The following LIMS4 variants were observed in gnomAD, a reference collection of about 807,000 sequenced individuals.
LIMS4 encodes the protein LIM and senescent cell antigen-like-containing domain protein 4.
chr2:110,376,089 T>A, the LIMS4 span: 1 of 112,500 alleles, frequency 8.9e-6, no homozygotes, highest in East Asian at 2.5e-4. Context: ...AGCTTCTAGG[T>A]TTGTGGCCTC....
chr2:110,367,163 T>C, the LIMS4 span, among the ~76,000 whole-genome samples: 1 of 150,670 alleles, frequency 6.6e-6, no homozygotes, highest in Non-Finnish European at 1.5e-5. Context: ...AAGCAATCTC[T>C]AGATTCAATG....
the LIMS4 span, among the ~76,000 whole-genome samples, chr2:110,390,361 G>A: frequency 7.6e-6 from 1 of 132,202 alleles, no homozygotes; most frequent in Non-Finnish European, 1.6e-5. Flanking sequence ...CCCTGGATGT[G>A]GTGAGGAGGC....
the LIMS4 span, chr2:110,361,632 ACTTGATATGGTC>A: frequency 5.2e-6 from 3 of 581,158 alleles, no homozygotes. Flanking sequence ...CCATGCATAG[ACTTGATATGGTC>A]CACCATAAGT....
the LIMS4 span, among the ~76,000 whole-genome samples, chr2:110,391,722 G>GTCGCCGTATC: frequency 8.6e-6 from 1 of 116,908 alleles, no homozygotes; most frequent in Non-Finnish European, 1.6e-5. Flanking sequence ...GGATCACGGG[G>GTCGCCGTATC]AGCCATTAGT....
chr2:110,363,921 C>CT, the LIMS4 span, among the ~76,000 whole-genome samples: 1 of 151,642 alleles, frequency 6.6e-6, no homozygotes, highest in Non-Finnish European at 1.5e-5. Context: ...CTTCAGGAGG[C>CT]TGAGGCAGGC....
the LIMS4 span, chr2:110,362,391 TGAAGAA>T: frequency 8.7e-7 from 1 of 1,147,434 alleles, no homozygotes; most frequent in South Asian, 1.7e-5. Context: ...TTTCCTCTGA[TGAAGAA>T]GAAGTATTGG....
the LIMS4 span, chr2:110,383,127 G>A: frequency 2.6e-5 from 1 of 38,924 alleles, no homozygotes; most frequent in Admixed American, 2.3e-4. Context: ...TGTAGAGGCT[G>A]TGCGCCACAT....
chr2:110,448,404 ATGGTG>A (rs1688195093), intron 8 of LIMS4, among the ~76,000 whole-genome samples: 1 of 143,364 alleles, frequency 7.0e-6, no homozygotes, highest in Non-Finnish European at 1.5e-5. Context: ...CTGGAGTGCA[ATGGTG>A]TGATGTTGGC....
the LIMS4 span, among the ~76,000 whole-genome samples, chr2:110,425,636 G>C: frequency 2.1e-5 from 3 of 142,616 alleles, 1 homozygote; most frequent in African/African-American, 8.8e-5. Context: ...AGCAAGACAG[G>C]GGAGAGGAGA....
At chr2:110,397,234 A>AT in the LIMS4 span, among the ~76,000 whole-genome samples, 1 of 104,976 alleles carries the variant, frequency 9.5e-6, no homozygotes, top group Non-Finnish European at 2.0e-5. Flanking sequence ...GTTTTTTTTT[A>AT]TTTTTTTCTT....
chr2:110,390,271 C>T, the LIMS4 span, among the ~76,000 whole-genome samples: 3 of 142,656 alleles, frequency 2.1e-5, no homozygotes, highest in Non-Finnish European at 4.5e-5. Context: ...GAGCATGGAC[C>T]ACGCATCCTG....
the LIMS4 span, chr2:110,433,553 A>G: frequency 6.8e-6 from 1 of 147,420 alleles, no homozygotes; most frequent in Admixed American, 6.8e-5. Flanking sequence ...CAACAGGGTC[A>G]CAGTGTGAGT....
At chr2:110,379,068 G>A in the LIMS4 span, among the ~76,000 whole-genome samples, 1 of 147,758 alleles carries the variant, frequency 6.8e-6, no homozygotes, top group Admixed American at 6.6e-5. Context: ...GCACCATGGT[G>A]GAAGTAACAC....
the LIMS4 span, chr2:110,361,935 C>T: frequency 7.0e-7 from 1 of 1,431,428 alleles, no homozygotes; most frequent in Admixed American, 1.7e-5. Context: ...GACTTCAGAG[C>T]AGCCACATCA....
chr2:110,381,819 A>G, the LIMS4 span, among the ~76,000 whole-genome samples: 1 of 31,166 alleles, frequency 3.2e-5, no homozygotes, highest in African/African-American at 1.7e-4. Context: ...TTGTAATCCC[A>G]GCACTTTGGG....
At chr2:110,411,647 C>T in the LIMS4 span, among the ~76,000 whole-genome samples, 2 of 122,364 alleles carry the variant, frequency 1.6e-5, no homozygotes, top group African/African-American at 8.1e-5. Flanking sequence ...ACCAGCAATG[C>T]CTCAGCCAGT....
At chr2:110,397,409 T>C in the LIMS4 span, 1 of 147,320 alleles carries the variant, frequency 6.8e-6, no homozygotes, top group South Asian at 2.2e-4. Flanking sequence ...GTGAAAATGC[T>C]TCCTATAATT....
the LIMS4 span, among the ~76,000 whole-genome samples, chr2:110,418,650 CTTT>C: frequency 2.8e-5 from 2 of 72,484 alleles, no homozygotes; most frequent in Non-Finnish European, 5.0e-5. Context: ...CCTTTCCTTT[CTTT>C]TTTTTTTTTT....
At chr2:110,453,764 C>T (rs1324534379) in intron 5 of LIMS4, among the ~76,000 whole-genome samples, 3 of 147,430 alleles carry the variant, frequency 2.0e-5, no homozygotes, top group South Asian at 2.1e-4. Flanking sequence ...AGGATGGTCT[C>T]GATCTCCTGT....
Sources: allele counts gnomAD v4.1 joint callset (sites outside exome capture counted in the v4.1 genomes callset), GRCh38; gene constraint gnomAD v4.1.1; transcripts MANE v1.5; gene names NCBI Gene and HGNC (gene_info 2026-07-23, HGNC 2026-07-21).